MICU2: variants seen among roughly 807,000 people sequenced by gnomAD.
The protein encoded by MICU2 is mitochondrial calcium uptake 2, also known as calcium uptake protein 2, mitochondrial.
In MICU2, 64 loss-of-function variants were observed where a neutral mutation model predicts 60.4. The observed-to-expected ratio is 1.06, with a 90% CI of 0.87 to 1.31. MICU2 has a LOEUF of 1.31. MICU2 is among the 50% of genes most tolerant of loss of function. The pLI is 0.00. For synonymous variants in MICU2, 201 were observed against 175.0 expected (o/e 1.15, Z -1.17); for missense variants, 569 against 531.0 (o/e 1.07, Z -0.70).
rs1178823550 is a variant in MICU2 at position 21,521,333 on chromosome 13, G to A, written c.515-6C>T. 1.9e-6 allele frequency: 3 copies of A among 1,603,286 alleles called. No homozygotes were observed. The highest frequency in any genetic ancestry group is 2.6e-6 in the Non-Finnish European group (3 of 1,176,414). ...ATGAAATCCAGAATGGGGTTCTGCA[G>A]TGAAGTGAAAAATGAATATTTAAAT... On this transcript the variant is annotated splice_region_variant and splice_polypyrimidine_tract_variant and intron_variant, in intron 5 of 11. Coordinates refer to ENST00000382374, the MANE Select transcript of MICU2 (RefSeq NM_152726.3).
intron 11 of MICU2, among the ~76,000 whole-genome samples, chr13:21,494,732 T>C (rs1885949337): frequency 6.6e-6 from 1 of 152,202 alleles, no homozygotes; most frequent in South Asian, 2.1e-4. Flanking sequence ...CTCATGATGT[T>C]ATCCACGCTG....
At chr13:21,525,338 G>A (rs1042609186) in intron 4 of MICU2, among the ~76,000 whole-genome samples, 24 of 151,390 alleles carry the variant, frequency 1.6e-4, no homozygotes, top group Non-Finnish European at 2.4e-4. Flanking sequence ...GACTACAGGC[G>A]CCCACCACCA....
chr13:21,536,143 A>C (rs554095708), intron 4 of MICU2, among the ~76,000 whole-genome samples: 25 of 152,342 alleles, frequency 1.6e-4, no homozygotes, highest in African/African-American at 5.3e-4. Context: ...ATAAGTAGAC[A>C]GTTTAGTATA....
At chr13:21,603,838 C>A (rs1888885196) in intron 1 of MICU2, 101 bp downstream of exon 1, 2 of 1,325,992 alleles carry the variant, frequency 1.5e-6, no homozygotes, top group Non-Finnish European at 2.1e-6. Flanking sequence ...CCTCCACCCA[C>A]GGCTCCGGGA....
At chr13:21,540,485 C>G (rs982805100) in intron 2 of MICU2, among the ~76,000 whole-genome samples, 1 of 152,136 alleles carries the variant, frequency 6.6e-6, no homozygotes, top group African/African-American at 2.4e-5. Context: ...TGTAGAAATT[C>G]AGGTGGCACA....
chr13:21,592,294 C>T (rs572603116), intron 1 of MICU2, among the ~76,000 whole-genome samples: 21 of 152,144 alleles, frequency 1.4e-4, no homozygotes, highest in Non-Finnish European at 2.4e-4. Flanking sequence ...GACACATACA[C>T]CTTACCAAGA....
rs553238206 is a variant in MICU2 at position 21,590,554 on chromosome 13, C to T, written c.210+13385G>A. On this transcript the variant is annotated intron_variant, in intron 1 of 11. Coordinates refer to ENST00000382374, the MANE Select transcript of MICU2 (RefSeq NM_152726.3). ...CATGTTCCTATTCTTATTCTTCACACCCAGGAACTGAAAATGTTAAAAGGT... is the reference window on the plus strand; with the variant it reads ...CATGTTCCTATTCTTATTCTTCACATCCAGGAACTGAAAATGTTAAAAGGT... Among the ~76,000 whole-genome samples the T allele has an allele frequency of 2.1e-4, 32 of 152,324 alleles. No individual in the cohort carries two copies. In the South Asian group the frequency reaches 6.4e-3, roughly 31 times the overall value.
intron 2 of MICU2, among the ~76,000 whole-genome samples, chr13:21,554,119 TCAA>T (rs1887642848): frequency 6.6e-6 from 1 of 152,132 alleles, no homozygotes; most frequent in South Asian, 2.1e-4. Context: ...ATTAGACAGA[TCAA>T]CGAGACAGAA....
rs200426098 is a variant in MICU2 at position 21,539,409 on chromosome 13, A to G, written c.391-32T>C. ...ATACACATATTAAAATTAAACTTCT[A>G]AAAGTTCATTTTCTTTGTAGCTGGG... is the stretch of plus-strand genomic sequence containing the variant. On this transcript the variant is annotated intron_variant, in intron 3 of 11. Transcript: ENST00000382374. 1,023 of 1,586,818 alleles carry G rather than the reference A, an allele frequency of 6.4e-4. 1 individual carries two copies. Among genetic ancestry groups the G allele is most frequent in the Non-Finnish European group, 8.4e-4 (980 of 1,163,536 alleles).
intron 1 of MICU2, among the ~76,000 whole-genome samples, chr13:21,591,176 G>A (rs1888574651): frequency 6.6e-6 from 1 of 151,308 alleles, no homozygotes; most frequent in Non-Finnish European, 1.5e-5. Context: ...AAGGGATGGA[G>A]GAAAATTCAC....
rs760247912 is a variant in MICU2, at chr13:21,495,316, C to G, written c.1045G>C (p.Glu349Gln). ...SLAHRPVRLA[E>Q]FKRAVKVATG... ...GCTACTTTCACAGCTCTCTTAAACT[C>G]CGCTAAAAAACAAACATAAAACAAC... Residue 349 changes from glutamate (E) to glutamine (Q), a missense_variant and splice_region_variant, in exon 11 of 12, where the codon GAG (glutamate) becomes CAG (glutamine). Coordinates refer to ENST00000382374, the MANE Select transcript of MICU2 (RefSeq NM_152726.3). The G allele has an allele frequency of 2.5e-6, 4 of 1,581,344 alleles. No individual in the cohort carries two copies. In the African/African-American group the frequency reaches 5.4e-5, roughly 21 times the overall value.
intron 1 of MICU2, among the ~76,000 whole-genome samples, chr13:21,578,608 A>T (rs1471542068): frequency 6.6e-6 from 1 of 152,116 alleles, no homozygotes; most frequent in Non-Finnish European, 1.5e-5. Context: ...AAAAAAAAAA[A>T]ATATTTTAGT....
chr13:21,518,114 A>C (rs1206693944), intron 6 of MICU2, among the ~76,000 whole-genome samples: 2 of 152,230 alleles, frequency 1.3e-5, no homozygotes, highest in African/African-American at 4.8e-5. Flanking sequence ...ACAATTTTCC[A>C]ACATTTATGG....
intron 1 of MICU2, among the ~76,000 whole-genome samples, chr13:21,576,147 T>A (rs1001214943): frequency 2.6e-5 from 4 of 152,206 alleles, no homozygotes; most frequent in Admixed American, 6.5e-5. Flanking sequence ...AACCATGACA[T>A]TTTGATTTCT....
intron 2 of MICU2, among the ~76,000 whole-genome samples, chr13:21,554,722 C>CA (rs2138023854): frequency 6.6e-6 from 1 of 152,190 alleles, no homozygotes; most frequent in South Asian, 2.1e-4. Context: ...TCAAAAAAAT[C>CA]AATGAATCCA....
intron 4 of MICU2, among the ~76,000 whole-genome samples, chr13:21,524,055 A>G (rs1364509610): frequency 1.3e-5 from 2 of 152,210 alleles, no homozygotes; most frequent in Non-Finnish European, 2.9e-5. Context: ...ACATTGTGTC[A>G]GGTTTTAGGC....
At chr13:21,509,670 T>C (rs997808273) in intron 8 of MICU2, among the ~76,000 whole-genome samples, 1 of 152,226 alleles carries the variant, frequency 6.6e-6, no homozygotes, top group African/African-American at 2.4e-5. Flanking sequence ...AACAAATGGT[T>C]GTTGTTTTAA....
rs939964031 is a variant in MICU2 at position 21,586,585 on chromosome 13, A to G, written c.210+17354T>C. Reference sequence around the variant, plus strand: ...ACCAATCCTGGCCATTTTTTTTTCTATTTTTTTGTAAAGATGAGATCTTGC... The same window carrying G: ...ACCAATCCTGGCCATTTTTTTTTCTGTTTTTTTGTAAAGATGAGATCTTGC... On this transcript the variant is annotated intron_variant, in intron 1 of 11. Transcript: ENST00000382374. Among the ~76,000 whole-genome samples, 3 of 151,266 alleles carry G rather than the reference A, an allele frequency of 2.0e-5. No individual in the cohort carries two copies. In the South Asian group the frequency reaches 6.3e-4, roughly 32 times the overall value.
intron 1 of MICU2, among the ~76,000 whole-genome samples, chr13:21,594,335 A>C (rs1694086213): frequency 6.6e-6 from 1 of 152,222 alleles, no homozygotes. Flanking sequence ...ATGAGATACC[A>C]TCTCATGCCA....
Sources: allele counts gnomAD v4.1 joint callset (sites outside exome capture counted in the v4.1 genomes callset), GRCh38; gene constraint gnomAD v4.1.1; transcripts MANE v1.5; gene names NCBI Gene and HGNC (gene_info 2026-07-23, HGNC 2026-07-21).